CSMD1: variants seen among roughly 807,000 people sequenced by gnomAD.
CSMD1 encodes CUB and Sushi multiple domains 1.
A neutral mutation model predicts 417.5 loss-of-function variants in CSMD1; 213 were observed. That is an observed-to-expected ratio of 0.51 (90% CI 0.46 to 0.57). CSMD1 has a LOEUF of 0.57. Among genes scored for constraint, CSMD1 ranks in the 20% least tolerant of loss-of-function variants. The probability of loss-of-function intolerance (pLI) is 0.00; values close to 1 mark genes in which losing one functional copy is unlikely to be tolerated. For synonymous variants in CSMD1, 2,862 were observed against 1,736.8 expected (o/e 1.65, Z -16.11); for missense variants, 6,923 against 4,529.7 (o/e 1.53, Z -15.17).
intron 3 of CSMD1, among the ~76,000 whole-genome samples, chr8:4,262,390 C>T (rs938450154): frequency 6.6e-6 from 1 of 152,190 alleles, no homozygotes; most frequent in African/African-American, 2.4e-5. Context: ...GAATCCCAAA[C>T]CAGAATAAAG....
chr8:2,958,063 C>T (rs1387187563), intron 62 of CSMD1, among the ~76,000 whole-genome samples: 2 of 152,026 alleles, frequency 1.3e-5, no homozygotes. Flanking sequence ...AGAAATTATG[C>T]CTTTTCTGTT....
intron 2 of CSMD1, among the ~76,000 whole-genome samples, chr8:4,441,082 C>G (rs1323617815): frequency 3.5e-5 from 2 of 57,044 alleles, no homozygotes; most frequent in South Asian, 7.0e-4. Context: ...TAATTTGACT[C>G]GTTAATCAAA....
chr8:3,926,860 C>G (rs1431975683), intron 5 of CSMD1, among the ~76,000 whole-genome samples: 1 of 151,362 alleles, frequency 6.6e-6, no homozygotes, highest in African/African-American at 2.4e-5. Flanking sequence ...GGATTACAGG[C>G]ATGTGCCACG....
intron 37 of CSMD1, among the ~76,000 whole-genome samples, chr8:3,174,062 T>A (rs1820751855): frequency 6.6e-6 from 1 of 152,184 alleles, no homozygotes; most frequent in Admixed American, 6.5e-5. Flanking sequence ...AAAACAAGAA[T>A]TAAGGAAGTA....
At chr8:3,885,681 C>G (rs1310087000) in intron 5 of CSMD1, among the ~76,000 whole-genome samples, 1 of 152,094 alleles carries the variant, frequency 6.6e-6, no homozygotes, top group African/African-American at 2.4e-5. Flanking sequence ...CTTTCTCAAG[C>G]TCACAGAAAT....
At chr8:3,766,803 C>T (rs1446075087) in intron 5 of CSMD1, among the ~76,000 whole-genome samples, 1 of 152,010 alleles carries the variant, frequency 6.6e-6, no homozygotes, top group Admixed American at 6.6e-5. Flanking sequence ...GGGATAAGAA[C>T]AAGTCTTATC....
chr8:4,444,512 G>A (rs185394463), intron 2 of CSMD1, among the ~76,000 whole-genome samples: 2 of 152,042 alleles, frequency 1.3e-5, no homozygotes, highest in East Asian at 3.9e-4. Flanking sequence ...TGACAGACAA[G>A]TTTTTTTAGC....
At chr8:3,612,032 T>C (rs1350359914) in intron 8 of CSMD1, among the ~76,000 whole-genome samples, 1 of 152,164 alleles carries the variant, frequency 6.6e-6, no homozygotes, top group African/African-American at 2.4e-5. Flanking sequence ...TTCAGCTATA[T>C]GTACAACTGG....
In CSMD1 at chr8:4,723,696, G is replaced by C. The variant is rs887134540; in HGVS notation, c.86-86138C>G. ...ACCACATTTTTGTTGAATTTCTGATGAAAATGTCCAGGTATACATAAATAA... is the reference window on the plus strand; with the variant it reads ...ACCACATTTTTGTTGAATTTCTGATCAAAATGTCCAGGTATACATAAATAA... On this transcript the variant is annotated intron_variant, in intron 1 of 69. Coordinates refer to ENST00000635120, the MANE Select transcript of CSMD1 (RefSeq NM_033225.6). Among the ~76,000 whole-genome samples, 46 of 147,332 alleles carry C rather than the reference G, an allele frequency of 3.1e-4. No individual in the cohort carries two copies. The East Asian group carries it at 3.7e-3, about 12-fold the overall frequency.
intron 1 of CSMD1, among the ~76,000 whole-genome samples, chr8:4,713,032 C>A (rs1584983148): frequency 6.6e-6 from 1 of 152,202 alleles, no homozygotes; most frequent in East Asian, 1.9e-4. Context: ...AAGGTGTGAT[C>A]TTAGGGATAC....
chr8:3,005,844 C>A (rs6988981), intron 52 of CSMD1, among the ~76,000 whole-genome samples: 5,447 of 152,014 alleles, frequency 0.036, 134 homozygotes, highest in African/African-American at 0.073. Context: ...TGGAAGCATT[C>A]CCTTTGAAAA....
intron 1 of CSMD1, among the ~76,000 whole-genome samples, chr8:4,830,454 A>G (rs1482310407): frequency 1.3e-5 from 2 of 152,216 alleles, no homozygotes; most frequent in Admixed American, 1.3e-4. Context: ...TCAGATAATG[A>G]CTTAGGATCT....
intron 3 of CSMD1, among the ~76,000 whole-genome samples, chr8:4,217,064 C>T (rs573574885): frequency 5.5e-4 from 83 of 152,164 alleles, no homozygotes; most frequent in Non-Finnish European, 7.5e-4. Flanking sequence ...AGGTAGTGTC[C>T]TGTGTCTGTT....
At chr8:3,699,524 G>A (rs1800731028) in intron 7 of CSMD1, among the ~76,000 whole-genome samples, 2 of 152,062 alleles carry the variant, frequency 1.3e-5, no homozygotes, top group Non-Finnish European at 2.9e-5. Context: ...CTTTCCTACG[G>A]CTTTCCATCC....
chr8:3,175,242 T>A (rs934999555), intron 37 of CSMD1, among the ~76,000 whole-genome samples: 8 of 152,212 alleles, frequency 5.3e-5, no homozygotes, highest in African/African-American at 1.9e-4. Flanking sequence ...TCCCACCTGG[T>A]AAAGAAATAG....
chr8:3,249,966 T>TA (rs1800148301), intron 26 of CSMD1, among the ~76,000 whole-genome samples: 1 of 152,262 alleles, frequency 6.6e-6, no homozygotes, highest in Non-Finnish European at 1.5e-5. Flanking sequence ...CATGTCAGGT[T>TA]AAAAACTAGT....
intron 1 of CSMD1, among the ~76,000 whole-genome samples, chr8:4,848,190 G>C (rs909591431): frequency 6.6e-6 from 1 of 152,160 alleles, no homozygotes; most frequent in African/African-American, 2.4e-5. Context: ...TCATTGTATG[G>C]AAATGGCACA....
chr8:3,185,090 A>G (rs576424842), intron 36 of CSMD1, among the ~76,000 whole-genome samples: 33 of 152,064 alleles, frequency 2.2e-4, no homozygotes, highest in Non-Finnish European at 3.5e-4. Flanking sequence ...GGGACCATGG[A>G]CCCCCTAAAT....
chr8:2,966,468 T>C, intron 58 of CSMD1, 102 bp downstream of exon 58: 2 of 1,038,274 alleles, frequency 1.9e-6, no homozygotes, highest in Non-Finnish European at 1.4e-6. Flanking sequence ...CCTCTATGAA[T>C]TAAAAATAAA....
Sources: gnomAD v4.1 joint callset for allele counts (sites outside exome capture counted in the v4.1 genomes callset) on GRCh38, gnomAD v4.1.1 for gene constraint, MANE v1.5 for transcripts, NCBI Gene and HGNC (gene_info 2026-07-23, HGNC 2026-07-21) for gene names.